The following MTMR7 variants were observed in gnomAD, a reference collection of about 807,000 sequenced individuals.
The protein encoded by MTMR7 is phosphatidylinositol-3-phosphate phosphatase MTMR7.
Under a neutral mutation model 81.2 loss-of-function variants are expected in MTMR7, and 76 were observed. That is an observed-to-expected ratio of 0.94 (90% confidence interval 0.78 to 1.13). The LOEUF (loss-of-function observed/expected upper bound fraction) is 1.13. Ranked by LOEUF, MTMR7 falls within the 50% of genes most tolerant of loss-of-function variation. The pLI is 0.00. For missense variants in MTMR7, 1,044 were observed against 820.0 expected (o/e 1.27, Z -3.34); for synonymous variants, 372 against 289.8 (o/e 1.28, Z -2.88).
intron 9 of MTMR7, among the ~76,000 whole-genome samples, chr8:17,310,933 A>G (rs1443882093): frequency 6.6e-6 from 1 of 152,182 alleles, no homozygotes; most frequent in Non-Finnish European, 1.5e-5. Context: ...CTGTAGTTGA[A>G]AGCAACGTTA....
rs1250936123 is a variant in MTMR7 at position 17,413,319 on chromosome 8, G to C, written c.-27C>G. ...GCTGGCCCACGTCTGCAGGGTCCCG[G>C]GCGGGCGCGGCCTCACGCACCTGCG... On this transcript the variant is annotated 5_prime_UTR_variant, in exon 1 of 14. Transcript: ENST00000180173. 3 of 1,528,496 alleles carry C rather than the reference G, an allele frequency of 2.0e-6. No homozygotes were observed. Among genetic ancestry groups the C allele is most frequent in the African/African-American group, 2.8e-5 (2 of 70,460 alleles). 94.7% of individuals were successfully genotyped at this position (1,528,496 alleles called of 1,614,324 possible).
chr8:17,341,940 C>G (rs1296298328), intron 5 of MTMR7, among the ~76,000 whole-genome samples: 1 of 151,272 alleles, frequency 6.6e-6, no homozygotes, highest in South Asian at 2.1e-4. Context: ...TTAAACTAGC[C>G]CATCTAGAAA....
At chr8:17,383,155 C>A (rs571125353) in intron 1 of MTMR7, among the ~76,000 whole-genome samples, 4 of 152,238 alleles carry the variant, frequency 2.6e-5, no homozygotes, top group African/African-American at 7.2e-5. Flanking sequence ...TTCTGGGCAT[C>A]AGTTTTACCT....
chr8:17,364,665 A>G (rs1042535723), intron 3 of MTMR7, among the ~76,000 whole-genome samples: 9 of 152,164 alleles, frequency 5.9e-5, no homozygotes, highest in Admixed American at 5.9e-4. Context: ...AAGTGAGAAC[A>G]TATGGTATTT....
At chr8:17,359,732 C>G (rs561228410) in intron 4 of MTMR7, among the ~76,000 whole-genome samples, 21 of 152,030 alleles carry the variant, frequency 1.4e-4, no homozygotes, top group African/African-American at 5.1e-4. Context: ...CTCAAGAAAT[C>G]AAGATATGAA....
At chr8:17,300,357 T>C in intron 13 of MTMR7, 133 bp from the exon 14 acceptor site, 1 of 1,017,866 alleles carries the variant, frequency 9.8e-7, no homozygotes, top group Non-Finnish European at 1.4e-6. Context: ...GGGATGTGAG[T>C]TCAAACCTGG....
In MTMR7 at chr8:17,403,959, A is replaced by G. The variant is rs552534504; in HGVS notation, c.24+9310T>C. On this transcript the variant is annotated intron_variant, in intron 1 of 13. Coordinates refer to ENST00000180173, the MANE Select transcript of MTMR7 (RefSeq NM_004686.5). ...TTGACAGAATTCTTTGTCAGTTCCAATCTTTTTTTGGTGGAGTCTTTAGGT... is the reference window on the plus strand; with the variant it reads ...TTGACAGAATTCTTTGTCAGTTCCAGTCTTTTTTTGGTGGAGTCTTTAGGT... Among the ~76,000 whole-genome samples, 6 of 152,278 alleles carry G rather than the reference A, an allele frequency of 3.9e-5. No homozygotes were observed. The South Asian group carries it at 1.2e-3, about 32-fold the overall frequency.
At chr8:17,360,509 G>A (rs549175515) in intron 4 of MTMR7, among the ~76,000 whole-genome samples, 123 of 151,216 alleles carry the variant, frequency 8.1e-4, no homozygotes, top group Non-Finnish European at 7.1e-4. Flanking sequence ...AACTATCTAG[G>A]ATGTTCTCAC....
chr8:17,306,508 A>G (rs1045556133), intron 10 of MTMR7, among the ~76,000 whole-genome samples: 1 of 152,082 alleles, frequency 6.6e-6, no homozygotes, highest in Non-Finnish European at 1.5e-5. Context: ...TTTTTCTTTT[A>G]TCTCCCATTG....
At chr8:17,364,193 C>A (rs2410521) in intron 3 of MTMR7, among the ~76,000 whole-genome samples, 3 of 151,658 alleles carry the variant, frequency 2.0e-5, no homozygotes, top group African/African-American at 2.4e-5. Flanking sequence ...CCACGCCCGG[C>A]TAATTTTTTG....
intron 2 of MTMR7, among the ~76,000 whole-genome samples, chr8:17,372,344 G>A (rs1029338): frequency 7.9e-5 from 12 of 152,294 alleles, no homozygotes; most frequent in African/African-American, 2.6e-4. Context: ...ACTTTGGAAG[G>A]CCAAGGTGGG....
At chr8:17,412,648 G>T in intron 1 of MTMR7, among the ~76,000 whole-genome samples, 1 of 152,166 alleles carries the variant, frequency 6.6e-6, no homozygotes, top group African/African-American at 2.4e-5. Flanking sequence ...GAATCCGTAA[G>T]CTGCATCCTT....
At chr8:17,385,683 C>T (rs1820915087) in intron 1 of MTMR7, among the ~76,000 whole-genome samples, 1 of 152,114 alleles carries the variant, frequency 6.6e-6, no homozygotes, top group Non-Finnish European at 1.5e-5. Flanking sequence ...TGAGTTCATT[C>T]TCAGGAGATG....
At position 17,373,174 on chromosome 8, in the gene MTMR7, T is replaced by C. The variant is rs752623518; in HGVS notation, c.91A>G (p.Thr31Ala). 9.9e-6 allele frequency: 16 copies of C among 1,613,788 alleles called. No individual in the cohort carries two copies. Among genetic ancestry groups the C allele is most frequent in the Non-Finnish European group, 1.4e-5 (16 of 1,179,836 alleles). Residue 31 changes from threonine (T) to alanine (A), a missense_variant, in exon 2 of 14, where the codon ACG becomes GCG. Physicochemically the swap from Thr to Ala is moderately conservative, Grantham distance 58. Coordinates refer to ENST00000180173, the MANE Select transcript of MTMR7 (RefSeq NM_004686.5). ...KKAALGTLYLTATHVIFVENS... is the reference protein window; with the variant it reads ...KKAALGTLYLAATHVIFVENS... Reference sequence around the variant, plus strand: ...TCCACGAATATGACATGGGTAGCCGTCAAATACAAAGTACCTAGAGCTGCT... The same window carrying C: ...TCCACGAATATGACATGGGTAGCCGCCAAATACAAAGTACCTAGAGCTGCT...
intron 12 of MTMR7, among the ~76,000 whole-genome samples, chr8:17,303,357 GA>G (rs1008600752): frequency 1.3e-5 from 2 of 151,762 alleles, no homozygotes; most frequent in Admixed American, 6.6e-5. Flanking sequence ...AAATAATTAA[GA>G]AAAAAAACCT....
chr8:17,328,854 C>A (rs1818836301), intron 7 of MTMR7, among the ~76,000 whole-genome samples: 1 of 152,190 alleles, frequency 6.6e-6, no homozygotes, highest in South Asian at 2.1e-4. Context: ...TGAAAGGCAT[C>A]ATTTTCTCTC....
chr8:17,400,360 C>G (rs73211125), intron 1 of MTMR7, among the ~76,000 whole-genome samples: 7,014 of 152,228 alleles, frequency 0.046, 246 homozygotes, highest in Non-Finnish European at 0.069. Flanking sequence ...AGTTAGTGAG[C>G]TGTAAGAGGC....
At chr8:17,370,886 G>C (rs868190786) in intron 3 of MTMR7, 151 bp downstream of exon 3, 7 of 652,728 alleles carry the variant, frequency 1.1e-5, no homozygotes, top group Non-Finnish European at 1.2e-5. Context: ...CTCTGTATCA[G>C]ATGATCATTC....
intron 1 of MTMR7, among the ~76,000 whole-genome samples, chr8:17,395,938 T>C (rs1249604552): frequency 6.6e-6 from 1 of 152,152 alleles, no homozygotes; most frequent in East Asian, 1.9e-4. Context: ...CTTCTCATAC[T>C]GGGAAATGTA....
Sources: allele counts gnomAD v4.1 joint callset (sites outside exome capture counted in the v4.1 genomes callset), GRCh38; gene constraint gnomAD v4.1.1; transcripts MANE v1.5; gene names NCBI Gene and HGNC (gene_info 2026-07-23, HGNC 2026-07-21).